The following TAFA2 variants were observed in gnomAD, a reference collection of about 807,000 sequenced individuals.
The protein encoded by TAFA2 is chemokine-like protein TAFA-2.
Under a neutral mutation model 18.8 loss-of-function variants are expected in TAFA2, and 7 were observed. The observed-to-expected ratio is 0.37, with a 90% CI of 0.21 to 0.70. TAFA2 has a LOEUF of 0.70. Among genes scored for constraint, TAFA2 ranks in the 30% least tolerant of loss-of-function variants. TAFA2 has a pLI of 0.53. For missense variants in TAFA2, 122 were observed against 158.1 expected, an observed-to-expected ratio of 0.77 and a Z score of 1.23; for synonymous variants, 60 against 54.2, an observed-to-expected ratio of 1.11 and a Z score of -0.47.
intron 1 of TAFA2, among the ~76,000 whole-genome samples, chr12:61,997,807 T>A (rs77043770): frequency 0.064 from 9,784 of 152,166 alleles, 408 homozygotes; most frequent in Non-Finnish European, 0.1. Flanking sequence ...TTTTTGGATT[T>A]TTTTTTTCAA....
chr12:62,014,834 C>T (rs1413987984), intron 1 of TAFA2, among the ~76,000 whole-genome samples: 3 of 152,062 alleles, frequency 2.0e-5, no homozygotes, highest in Non-Finnish European at 4.4e-5. Flanking sequence ...GGAAACCACC[C>T]TGCAATGCTG....
chr12:61,737,269 T>C (rs1868320010), intron 4 of TAFA2, among the ~76,000 whole-genome samples: 2 of 151,936 alleles, frequency 1.3e-5, no homozygotes, highest in Non-Finnish European at 2.9e-5. Flanking sequence ...AGAAAAATTA[T>C]ATTATAATGA....
At chr12:61,742,823 A>G (rs1868518312) in intron 4 of TAFA2, among the ~76,000 whole-genome samples, 1 of 152,156 alleles carries the variant, frequency 6.6e-6, no homozygotes, top group African/African-American at 2.4e-5. Flanking sequence ...TTCATGTTCA[A>G]TTAATTACCA....
chr12:62,040,718 C>T (rs1166174981), intron 1 of TAFA2, among the ~76,000 whole-genome samples: 2 of 152,054 alleles, frequency 1.3e-5, no homozygotes, highest in Non-Finnish European at 2.9e-5. Flanking sequence ...TGACAGCAGC[C>T]CTAGAAAGCT....
At chr12:62,021,630 G>T in intron 1 of TAFA2, 1 of 1,147,236 alleles carries the variant, frequency 8.7e-7, no homozygotes, top group Non-Finnish European at 1.3e-6. Context: ...TCTGTTCTGA[G>T]ATGGGGTGGT....
intron 1 of TAFA2, among the ~76,000 whole-genome samples, chr12:62,178,715 T>C (rs2062531938): frequency 1.3e-5 from 2 of 152,248 alleles, no homozygotes; most frequent in South Asian, 2.1e-4. Context: ...AACCCATATC[T>C]TTTATAATGG....
intron 4 of TAFA2, among the ~76,000 whole-genome samples, chr12:61,736,311 C>CT (rs1868303414): frequency 6.6e-6 from 1 of 151,984 alleles, no homozygotes; most frequent in Non-Finnish European, 1.5e-5. Flanking sequence ...CCAAACATAT[C>CT]ATCTTATATT....
At chr12:61,823,914 A>G (rs1392684672) in intron 2 of TAFA2, among the ~76,000 whole-genome samples, 1 of 152,070 alleles carries the variant, frequency 6.6e-6, no homozygotes, top group Non-Finnish European at 1.5e-5. Flanking sequence ...CCCAACACCA[A>G]CACCTGGTGT....
At chr12:62,166,678 T>G (rs111779616) in intron 1 of TAFA2, among the ~76,000 whole-genome samples, 98 of 152,274 alleles carry the variant, frequency 6.4e-4, no homozygotes, top group African/African-American at 2.2e-3. Flanking sequence ...ATTGTCCCAG[T>G]GATCCCAAAC....
At chr12:61,978,485 A>C (rs916608440) in intron 1 of TAFA2, among the ~76,000 whole-genome samples, 1 of 152,058 alleles carries the variant, frequency 6.6e-6, no homozygotes, top group Non-Finnish European at 1.5e-5. Flanking sequence ...TACATGAGAA[A>C]GAAAGGAGGA....
At chr12:62,181,992 C>A (rs943728085) in intron 1 of TAFA2, among the ~76,000 whole-genome samples, 2 of 140,870 alleles carry the variant, frequency 1.4e-5, no homozygotes, top group Admixed American at 1.4e-4. Flanking sequence ...CAAGTCCATC[C>A]CCCCCCCGCT....
At position 61,807,796 on chromosome 12, in the gene TAFA2, G is replaced by A. The variant is rs145624193; in HGVS notation, c.107-52772C>T. Reference sequence around the variant, plus strand: ...AGATTTGACCGCCCCACTGGATTTCGGACTTGCATGGGGCCTGTAGCCCCT... The same window carrying A: ...AGATTTGACCGCCCCACTGGATTTCAGACTTGCATGGGGCCTGTAGCCCCT... On this transcript the variant is annotated intron_variant, in intron 2 of 4. Coordinates refer to ENST00000416284, the MANE Select transcript of TAFA2 (RefSeq NM_178539.5). Among the ~76,000 whole-genome samples, 613 of 151,492 alleles carry A rather than the reference G, an allele frequency of 4.0e-3. 37 individuals are homozygous for A. Among genetic ancestry groups the A allele is most frequent in the African/African-American group, 0.014 (578 of 40,796 alleles).
At chr12:62,240,638 T>G (rs1342440749) in intron 1 of TAFA2, among the ~76,000 whole-genome samples, 1 of 152,152 alleles carries the variant, frequency 6.6e-6, no homozygotes, top group Non-Finnish European at 1.5e-5. Context: ...TTCAATTATT[T>G]TATTCAAATT....
chr12:61,935,687 G>T (rs1439528391), intron 1 of TAFA2, among the ~76,000 whole-genome samples: 1 of 151,784 alleles, frequency 6.6e-6, no homozygotes, highest in Non-Finnish European at 1.5e-5. Context: ...AAAACACAAA[G>T]AGAAACAGAG....
chr12:62,100,592 T>C (rs541420337), intron 1 of TAFA2, among the ~76,000 whole-genome samples: 3 of 152,196 alleles, frequency 2.0e-5, no homozygotes, highest in Non-Finnish European at 4.4e-5. Context: ...GCCTATATCA[T>C]ACATCTCATC....
upstream of TAFA2, among the ~76,000 whole-genome samples, chr12:62,195,834 G>T (rs1440542519): frequency 6.6e-6 from 1 of 152,170 alleles, no homozygotes; most frequent in Non-Finnish European, 1.5e-5. Flanking sequence ...CCAACTTAAA[G>T]TCACCAGCTG....
intron 1 of TAFA2, among the ~76,000 whole-genome samples, chr12:62,101,677 G>T (rs756979754): frequency 5.9e-5 from 9 of 152,258 alleles, no homozygotes; most frequent in Non-Finnish European, 1.3e-4. Flanking sequence ...AGTAGGAATG[G>T]ACCATTTCTG....
intron 4 of TAFA2, among the ~76,000 whole-genome samples, chr12:61,749,083 C>G (rs1042101015): frequency 1.4e-4 from 21 of 147,966 alleles, no homozygotes; most frequent in South Asian, 4.3e-4. Flanking sequence ...CTGGGCAGCA[C>G]AGCAAAACCC....
chr12:62,059,656 A>G (rs777337926), intron 1 of TAFA2, among the ~76,000 whole-genome samples: 5 of 152,204 alleles, frequency 3.3e-5, no homozygotes, highest in Non-Finnish European at 7.3e-5. Context: ...CCACCTGAAG[A>G]AAAGTATTCC....
Sources: gnomAD v4.1 joint callset for allele counts (sites outside exome capture counted in the v4.1 genomes callset) on GRCh38, gnomAD v4.1.1 for gene constraint, MANE v1.5 for transcripts, NCBI Gene and HGNC (gene_info 2026-07-23, HGNC 2026-07-21) for gene names.